Variants in WNK1 observed in about 807,000 individuals in gnomAD.
WNK1 encodes the protein serine/threonine-protein kinase WNK1.
Under a neutral mutation model 222.8 loss-of-function variants are expected in WNK1, and 38 were observed. The ratio of observed to expected loss-of-function variants is 0.17; its 90% CI spans 0.13 to 0.22. WNK1 has a LOEUF of 0.22. Ranked by LOEUF, WNK1 falls within the 10% of genes least tolerant of loss-of-function variation. The pLI, the probability that WNK1 is intolerant of heterozygous loss-of-function variation, is 1.00. For missense variants in WNK1, 2,348 were observed against 2,918.4 expected (o/e 0.80, Z 4.50); for synonymous variants, 1,090 against 1,092.9 (o/e 1.00, Z 0.05).
intron 26 of WNK1, among the ~76,000 whole-genome samples, chr12:903,692 A>G (rs1955460380): frequency 6.6e-6 from 1 of 152,200 alleles, no homozygotes; most frequent in Admixed American, 6.5e-5. Flanking sequence ...AAGGCCCTAC[A>G]TCCTTAGAAG....
At chr12:821,488 T>C (rs1362190538) in intron 2 of WNK1, among the ~76,000 whole-genome samples, 1 of 152,262 alleles carries the variant, frequency 6.6e-6, no homozygotes, top group Non-Finnish European at 1.5e-5. Context: ...GAATGTTCCA[T>C]GTACAGTTGA....
Position 826,775 on chromosome 12 carries a change from T to G in WNK1, c.933-267T>G, listed in dbSNP as rs185388632. On this transcript the variant is annotated intron_variant, in intron 2 of 27. Coordinates refer to ENST00000315939, the MANE Select transcript of WNK1 (RefSeq NM_018979.4). ...ATAGCCAACTTGATCTCCCATTTCT[T>G]TAAGAAAAAACTAGTTACCTAATAC... Among the ~76,000 whole-genome samples, 56 of 152,330 alleles carry G rather than the reference T, an allele frequency of 3.7e-4. No individual in the cohort carries two copies. The East Asian group carries it at 0.01, about 27-fold the overall frequency.
chr12:870,702 G>A (rs959063835), intron 8 of WNK1, among the ~76,000 whole-genome samples: 1 of 152,164 alleles, frequency 6.6e-6, no homozygotes, highest in Non-Finnish European at 1.5e-5. Context: ...TCCCTCAGTT[G>A]TGACAACCAG....
At chr12:815,389 A>T (rs1947262272) in intron 2 of WNK1, among the ~76,000 whole-genome samples, 1 of 152,228 alleles carries the variant, frequency 6.6e-6, no homozygotes, top group Non-Finnish European at 1.5e-5. Flanking sequence ...CAGCACCTGG[A>T]TATAGTCACT....
rs370146198 is a variant in WNK1 at position 879,845 on chromosome 12, A to G, written c.2646A>G (p.Thr882=). The change falls in exon 11 of 28, where the codon ACA becomes ACG. Residue 882 remains threonine, a synonymous_variant. Coordinates refer to ENST00000315939, the MANE Select transcript of WNK1 (RefSeq NM_018979.4). ...TCACGTTGGCTTCATCTGCTACAACAGCTGCGATCCCGGGGGTATCAACTG... is the reference window on the plus strand; with the variant it reads ...TCACGTTGGCTTCATCTGCTACAACGGCTGCGATCCCGGGGGTATCAACTG... ...PLLTLASSAT[T]AAIPGVSTVV... The G allele has an allele frequency of 3.7e-6, 6 of 1,614,002 alleles. No individual in the cohort carries two copies. The highest frequency in any genetic ancestry group is 5.1e-6 in the Non-Finnish European group (6 of 1,180,034).
rs575881382 is a variant in WNK1 at position 885,317 on chromosome 12, C to T, written c.4513C>T (p.Leu1505=). 3.1e-6 allele frequency: 5 copies of T among 1,614,068 alleles called. No individual in the cohort carries two copies. In the African/African-American group the frequency reaches 6.7e-5, roughly 22 times the overall value. Residue 1505 remains leucine, a synonymous_variant, in exon 19 of 28, where the codon CTG becomes TTG. Coordinates refer to ENST00000315939, the MANE Select transcript of WNK1 (RefSeq NM_018979.4). ...TTCATTCCCAAGCACAGCTTCACAGCTGTGCATTCAGCTTAGCAGCAGTAC... is the reference window on the plus strand; with the variant it reads ...TTCATTCCCAAGCACAGCTTCACAGTTGTGCATTCAGCTTAGCAGCAGTAC... ...TTSFPSTASQ[L]CIQLSSSTST... is the part of the protein sequence containing the mutation.
intron 26 of WNK1, chr12:901,558 C>A: frequency 7.8e-7 from 1 of 1,288,796 alleles, no homozygotes; most frequent in East Asian, 5.5e-5. Context: ...TCCCCTCTCA[C>A]AGGCTGTGCG....
intron 25 of WNK1, 57 bp downstream of exon 25, chr12:897,738 A>G: frequency 6.4e-7 from 1 of 1,554,844 alleles, no homozygotes; most frequent in Non-Finnish European, 8.8e-7. Flanking sequence ...TTCTGTCTCC[A>G]GCTGTATGTG....
chr12:887,395 C>A, intron 20 of WNK1, 91 bp downstream of exon 20: 1 of 1,310,844 alleles, frequency 7.6e-7, no homozygotes, highest in South Asian at 1.2e-5. Context: ...TGGCTTTTGC[C>A]TATTTGTCTT....
intron 2 of WNK1, among the ~76,000 whole-genome samples, chr12:814,333 AAAAG>A (rs1565468053): frequency 6.6e-6 from 1 of 152,118 alleles, no homozygotes; most frequent in Non-Finnish European, 1.5e-5. Context: ...AAAAAAAAAA[AAAAG>A]AGTGGCTAAG....
chr12:865,795 CCTT>C (rs977395312), intron 8 of WNK1, among the ~76,000 whole-genome samples: 3 of 151,090 alleles, frequency 2.0e-5, no homozygotes, highest in Non-Finnish European at 4.4e-5. Context: ...CTGGATGAGT[CCTT>C]TTTTTTTTTA....
intron 1 of WNK1, among the ~76,000 whole-genome samples, chr12:772,239 C>T (rs1942597618): frequency 6.6e-6 from 1 of 152,152 alleles, no homozygotes; most frequent in Non-Finnish European, 1.5e-5. Context: ...GTGTATGACA[C>T]ACTGGTTTCT....
intron 25 of WNK1, among the ~76,000 whole-genome samples, chr12:899,301 T>TTTTTG (rs1555159998): frequency 8.1e-3 from 41 of 5,074 alleles, no homozygotes; most frequent in South Asian, 0.014. Flanking sequence ...AATCAGATCT[T>TTTTTG]TTTTGTTTTT....
At chr12:848,496 C>CTTTT (rs10644583) in intron 4 of WNK1, among the ~76,000 whole-genome samples, 36,792 of 98,576 alleles carry the variant, frequency 0.37, 6,832 homozygotes, top group East Asian at 0.62. Flanking sequence ...CCAGTAAAAA[C>CTTTT]TTTTTTTTTT....
At chr12:862,665 C>T (rs548795604) in intron 8 of WNK1, among the ~76,000 whole-genome samples, 2 of 152,308 alleles carry the variant, frequency 1.3e-5, no homozygotes, top group East Asian at 3.9e-4. Flanking sequence ...GTACAAAACA[C>T]AGGTAAGACC....
chr12:753,577 C>G lies in WNK1; in HGVS notation c.12C>G (p.Gly4=). Residue 4 remains glycine (G), a synonymous_variant, in exon 1 of 28, where the codon GGC becomes GGG. Coordinates refer to ENST00000315939, the MANE Select transcript of WNK1 (RefSeq NM_018979.4). The surrounding 1 kb of genome is among the most constrained non-coding windows in gnomAD (Gnocchi z 5.2). MSG[G]AAEKQSSTPG... ...CCAGCGAACCGACCATGTCTGGCGG[C>G]GCCGCAGAGAAGCAGAGCAGCACTC... 1 of 1,612,548 alleles carries G rather than the reference C, an allele frequency of 6.2e-7. No individual in the cohort carries two copies. The highest frequency in any genetic ancestry group is 1.1e-5 in the South Asian group (1 of 91,070).
chr12:850,838 A>G (rs1348629334), intron 4 of WNK1, among the ~76,000 whole-genome samples: 1 of 152,078 alleles, frequency 6.6e-6, no homozygotes, highest in Admixed American at 6.6e-5. Flanking sequence ...TCCTTTCCCT[A>G]TTTCTTGTTT....
At chr12:860,865 C>T (rs763223537) in intron 6 of WNK1, 148 bp from the exon 7 acceptor site, 10 of 759,000 alleles carry the variant, frequency 1.3e-5, no homozygotes, top group Admixed American at 7.1e-5. Flanking sequence ...TTTTACAGTT[C>T]GGTTAAGGCC....
intron 8 of WNK1, chr12:867,735 GTTAT>G (rs1458851227): frequency 6.8e-6 from 7 of 1,025,822 alleles, no homozygotes; most frequent in East Asian, 2.6e-5. Context: ...CAGAAGCATT[GTTAT>G]TTATTTATTA....
Sources: gnomAD v4.1 joint callset for allele counts (sites outside exome capture counted in the v4.1 genomes callset) on GRCh38, gnomAD v4.1.1 for gene constraint, Gnocchi (gnomAD v3.1) non-coding constraint, MANE v1.5 for transcripts, NCBI Gene and HGNC (gene_info 2026-07-23, HGNC 2026-07-21) for gene names.